The following FBXL17 variants were observed in gnomAD, a reference collection of about 807,000 sequenced individuals.
The protein encoded by FBXL17 is F-box/LRR-repeat protein 17.
In FBXL17, 22 loss-of-function variants were observed where a neutral mutation model predicts 66.2. That is an observed-to-expected ratio of 0.33 (90% CI 0.24 to 0.47). The LOEUF is 0.47. Ranked by LOEUF, FBXL17 falls within the 20% of genes least tolerant of loss-of-function variation. The probability of loss-of-function intolerance (pLI) is 1.00; values close to 1 mark genes in which losing one functional copy is unlikely to be tolerated. For missense variants in FBXL17, 878 were observed against 948.2 expected, an observed-to-expected ratio of 0.93 and a Z score of 0.97; for synonymous variants, 474 against 400.5, an observed-to-expected ratio of 1.18 and a Z score of -2.19.
Position 108,256,355 on chromosome 5 carries a change from TA to T in FBXL17, c.1507-32128del, listed in dbSNP as rs1463126141. Among the ~76,000 whole-genome samples, 4 of 152,214 alleles carry T rather than the reference TA, an allele frequency of 2.6e-5. No homozygotes were observed. The East Asian group carries it at 5.8e-4, about 22-fold the overall frequency. On this transcript the variant is annotated intron_variant, in intron 4 of 8. Transcript: ENST00000542267. ...AAATATTTATCATTGGGCAAAAGTT[TA>T]TTTTTTTATTTATTTCATTTTATTA...
chr5:107,871,575 G>A (rs1050947150), intron 8 of FBXL17, among the ~76,000 whole-genome samples: 1 of 152,212 alleles, frequency 6.6e-6, no homozygotes, highest in Non-Finnish European at 1.5e-5. Context: ...TGTGTTGGCC[G>A]CTCTAAGGCC....
At chr5:108,006,699 A>G (rs776680072) in intron 7 of FBXL17, among the ~76,000 whole-genome samples, 4 of 152,212 alleles carry the variant, frequency 2.6e-5, no homozygotes, top group Non-Finnish European at 5.9e-5. Context: ...GTATGAATAA[A>G]GAAGAAAAAG....
At chr5:107,939,014 G>A (rs930937742) in intron 7 of FBXL17, among the ~76,000 whole-genome samples, 5 of 152,054 alleles carry the variant, frequency 3.3e-5, no homozygotes, top group South Asian at 2.1e-4. Context: ...CCATTCAGAC[G>A]AAATAGAATT....
intron 5 of FBXL17, among the ~76,000 whole-genome samples, chr5:108,187,911 C>T (rs1328211648): frequency 2.6e-5 from 4 of 152,286 alleles, no homozygotes; most frequent in Non-Finnish European, 2.9e-5. Flanking sequence ...GAAGACTAGA[C>T]ACTTGAATCT....
chr5:108,183,877 T>TA (rs2150029535), intron 6 of FBXL17, among the ~76,000 whole-genome samples: 2 of 152,322 alleles, frequency 1.3e-5, no homozygotes, highest in East Asian at 3.8e-4. Flanking sequence ...CCATTTTCTT[T>TA]AGATATTGAT....
At chr5:107,973,616 T>C (rs1001598916) in intron 7 of FBXL17, among the ~76,000 whole-genome samples, 14 of 152,116 alleles carry the variant, frequency 9.2e-5, no homozygotes, top group African/African-American at 3.4e-4. Flanking sequence ...ATGTGATTTA[T>C]ATAATTTATT....
At chr5:108,337,937 C>T (rs1018715769) in intron 4 of FBXL17, among the ~76,000 whole-genome samples, 4 of 151,676 alleles carry the variant, frequency 2.6e-5, no homozygotes, top group Non-Finnish European at 5.9e-5. Context: ...TTAAATTCTT[C>T]GCACAAAAAA....
chr5:107,906,819 T>C lies in FBXL17; in HGVS notation c.1823-25640A>G, dbSNP rs193292081. 5.0e-3 allele frequency among the ~76,000 whole-genome samples: 768 copies of C among 152,336 alleles called. 10 individuals are homozygous for C. The highest frequency in any genetic ancestry group is 0.017 in the African/African-American group (713 of 41,576). ...GGAATACCGTTTCATTTAAACAGTC[T>C]GAACAAAACAAAGAAACTACACATT... is the stretch of plus-strand genomic sequence containing the variant. On this transcript the variant is annotated intron_variant, in intron 7 of 8. Coordinates refer to ENST00000542267, the MANE Select transcript of FBXL17 (RefSeq NM_001163315.3).
At chr5:107,978,501 T>C (rs748925516) in intron 7 of FBXL17, among the ~76,000 whole-genome samples, 2 of 152,204 alleles carry the variant, frequency 1.3e-5, no homozygotes, top group Non-Finnish European at 2.9e-5. Flanking sequence ...CTCCTGTAGA[T>C]AACATCACTA....
intron 2 of FBXL17, among the ~76,000 whole-genome samples, chr5:108,365,906 T>C (rs887177534): frequency 6.6e-6 from 1 of 152,020 alleles, no homozygotes; most frequent in African/African-American, 2.4e-5. Context: ...TAAAAATCTA[T>C]CCTTAGTGGG....
At chr5:108,376,864 G>A (rs766991913) in intron 1 of FBXL17, among the ~76,000 whole-genome samples, 2 of 147,058 alleles carry the variant, frequency 1.4e-5, no homozygotes, top group African/African-American at 5.1e-5. Flanking sequence ...TCGGCTCACT[G>A]CAACCTCCAC....
intron 5 of FBXL17, among the ~76,000 whole-genome samples, chr5:108,207,274 T>C (rs2150056054): frequency 6.6e-6 from 1 of 152,258 alleles, no homozygotes; most frequent in East Asian, 1.9e-4. Flanking sequence ...TCTAAGCTGT[T>C]GAATTAATAG....
At chr5:108,172,646 C>T (rs953850776) in intron 6 of FBXL17, among the ~76,000 whole-genome samples, 4 of 152,270 alleles carry the variant, frequency 2.6e-5, no homozygotes, top group Non-Finnish European at 5.9e-5. Context: ...CAACAGAAGA[C>T]CAAGATCCAG....
intron 6 of FBXL17, among the ~76,000 whole-genome samples, chr5:108,114,391 C>T (rs1010995621): frequency 1.2e-5 from 1 of 82,612 alleles, no homozygotes; most frequent in Non-Finnish European, 2.8e-5. Flanking sequence ...CATAAATCAT[C>T]ATTTATATTG....
At chr5:108,283,618 C>A (rs374967648) in intron 4 of FBXL17, among the ~76,000 whole-genome samples, 18 of 151,726 alleles carry the variant, frequency 1.2e-4, no homozygotes, top group African/African-American at 4.1e-4. Flanking sequence ...GGACATTGAT[C>A]TAGGCAAAGA....
intron 6 of FBXL17, among the ~76,000 whole-genome samples, chr5:108,055,009 TAG>T (rs1379393053): frequency 2.6e-5 from 4 of 152,126 alleles, no homozygotes; most frequent in African/African-American, 9.7e-5. Flanking sequence ...AAGTTTGTCA[TAG>T]AGTTTTAAAG....
At chr5:108,117,520 T>C (rs773719360) in intron 6 of FBXL17, among the ~76,000 whole-genome samples, 2 of 152,176 alleles carry the variant, frequency 1.3e-5, no homozygotes, top group Non-Finnish European at 2.9e-5. Flanking sequence ...TAATTTAAAA[T>C]TTTTAAAAAT....
At chr5:107,879,987 C>T in intron 8 of FBXL17, 5 of 789,804 alleles carry the variant, frequency 6.3e-6, no homozygotes, top group Non-Finnish European at 7.7e-6. Context: ...ATGCAAATAA[C>T]TATTTCTTAG....
In FBXL17 at chr5:108,137,472, T is replaced by C. The variant is rs931680764; in HGVS notation, c.1745+48645A>G. On this transcript the variant is annotated intron_variant, in intron 6 of 8. Transcript: ENST00000542267. ...TCAGATACATCAGCCAAAAACACTG[T>C]GTTTTTGAATGTTGGCATGATCACC... Among the ~76,000 whole-genome samples, 3 of 152,018 alleles carry C rather than the reference T, an allele frequency of 2.0e-5. No homozygotes were observed. The East Asian group carries it at 5.8e-4, about 29-fold the overall frequency.
Sources: gnomAD v4.1 joint callset for allele counts (sites outside exome capture counted in the v4.1 genomes callset) on GRCh38, gnomAD v4.1.1 for gene constraint, MANE v1.5 for transcripts, NCBI Gene and HGNC (gene_info 2026-07-23, HGNC 2026-07-21) for gene names.